The following TMEM131 variants were observed in gnomAD, a reference collection of about 807,000 sequenced individuals.
TMEM131 encodes transmembrane protein 131.
In TMEM131, 66 loss-of-function variants were observed where a neutral mutation model predicts 211.6. The observed-to-expected ratio is 0.31, with a 90% CI of 0.26 to 0.38. The LOEUF (loss-of-function observed/expected upper bound fraction) is 0.38, where lower values mean the gene tolerates loss of function less well. TMEM131 is among the 10% of genes least tolerant of loss of function. The probability of loss-of-function intolerance (pLI) is 1.00; values close to 1 mark genes in which losing one functional copy is unlikely to be tolerated. For synonymous variants in TMEM131, 844 were observed against 841.3 expected (o/e 1.00, Z -0.06); for missense variants, 2,036 against 2,299.3 (o/e 0.89, Z 2.34).
At position 97,793,477 on chromosome 2, in the gene TMEM131, A is replaced by G; in HGVS notation, c.3463T>C (p.Ser1155Pro). The change falls in exon 30 of 41, where the codon TCC (serine) becomes CCC (proline). Residue 1155 changes from serine (S) to proline (P), a missense_variant. Transcript: ENST00000186436. The part of the protein sequence containing the change: ...GIWEPFRRRL[S>P]FEASNPPFDV... ...AAGGGCGGGTTCGAGGCCTCAAAGGATAGCCGCCTTCGAAATGGCTCCCAT... is the reference window on the plus strand; with the variant it reads ...AAGGGCGGGTTCGAGGCCTCAAAGGGTAGCCGCCTTCGAAATGGCTCCCAT... 1.2e-6 allele frequency: 2 copies of G among 1,613,998 alleles called. No homozygotes were observed. Among genetic ancestry groups the G allele is most frequent in the Non-Finnish European group, 8.5e-7 (1 of 1,179,890 alleles).
intron 28 of TMEM131, among the ~76,000 whole-genome samples, 192 bp from the exon 29 acceptor site, chr2:97,795,307 ATAAT>A (rs1465516344): frequency 6.6e-6 from 1 of 152,246 alleles, no homozygotes; most frequent in Non-Finnish European, 1.5e-5. Flanking sequence ...TATTCTGTGA[ATAAT>A]TAGAGAAATT....
At chr2:97,971,098 T>A (rs748677627) in intron 1 of TMEM131, among the ~76,000 whole-genome samples, 1 of 152,218 alleles carries the variant, frequency 6.6e-6, no homozygotes, top group African/African-American at 2.4e-5. Context: ...AAATACAATA[T>A]GAAGACAGTT....
intron 1 of TMEM131, among the ~76,000 whole-genome samples, chr2:97,978,548 C>A (rs1362879455): frequency 6.6e-6 from 1 of 152,166 alleles, no homozygotes; most frequent in Non-Finnish European, 1.5e-5. Context: ...CCACACCTAG[C>A]TAATTTTTGT....
intron 1 of TMEM131, among the ~76,000 whole-genome samples, chr2:97,988,809 C>T (rs1464161885): frequency 2.0e-5 from 3 of 152,180 alleles, no homozygotes; most frequent in Admixed American, 1.3e-4. Context: ...GTGCATTATT[C>T]ACGGGATTCT....
At chr2:97,910,927 T>C (rs1346497891) in intron 2 of TMEM131, among the ~76,000 whole-genome samples, 1 of 152,146 alleles carries the variant, frequency 6.6e-6, no homozygotes, top group Non-Finnish European at 1.5e-5. Flanking sequence ...CTCCTAGATA[T>C]ATGCCCAAGA....
rs997180939 is a variant in TMEM131, at chr2:97,910,329, A to C, written c.250-1631T>G. Among the ~76,000 whole-genome samples, 16 of 152,294 alleles carry C rather than the reference A, an allele frequency of 1.1e-4. No individual in the cohort carries two copies. In the East Asian group the frequency reaches 3.1e-3, roughly 29 times the overall value. On this transcript the variant is annotated intron_variant, in intron 2 of 40. Transcript: ENST00000186436. ...TATGGAAAACAGTATTGTGGTTCCCAAAAAAATTAAACATAGAATTACCAT... is the reference window on the plus strand; with the variant it reads ...TATGGAAAACAGTATTGTGGTTCCCCAAAAAATTAAACATAGAATTACCAT...
At position 97,813,972 on chromosome 2, in the gene TMEM131, T is replaced by C; in HGVS notation, c.1616A>G (p.Asp539Gly). The change falls in exon 15 of 41, where the codon GAT becomes GGT. Residue 539 changes from aspartate to glycine, a missense_variant and splice_region_variant. Physicochemically the swap from Asp to Gly is moderately conservative, Grantham distance 94. This residue lies in a region of TMEM131 where 1,623 missense variants were observed against 1,805.9 expected (regional missense o/e 0.90). Transcript: ENST00000186436. Reference protein sequence around the residue: ...LPVRVYTGFLDYFVLPPKIEE... With the variant: ...LPVRVYTGFLGYFVLPPKIEE... Reference sequence around the variant, plus strand: ...GTTAAAGATGGATAATATACTTACATCTAAAAAGCCTGTGTATACCCGCAC... The same window carrying C: ...GTTAAAGATGGATAATATACTTACACCTAAAAAGCCTGTGTATACCCGCAC... The C allele has an allele frequency of 1.3e-6, 2 of 1,581,134 alleles. No homozygotes were observed. Among genetic ancestry groups the C allele is most frequent in the Non-Finnish European group, 1.7e-6 (2 of 1,163,450 alleles).
At chr2:97,772,530 T>A (rs1679515847) in intron 32 of TMEM131, 106 bp from the exon 33 acceptor site, 4 of 1,253,624 alleles carry the variant, frequency 3.2e-6, no homozygotes, top group South Asian at 1.4e-5. Flanking sequence ...AATATACACA[T>A]CATATACGTA....
intron 5 of TMEM131, among the ~76,000 whole-genome samples, chr2:97,858,400 T>A (rs2105172456): frequency 6.6e-6 from 1 of 152,358 alleles, no homozygotes; most frequent in South Asian, 2.1e-4. Flanking sequence ...AAGTTTTTAA[T>A]AATGAGTTTA....
intron 7 of TMEM131, 124 bp from the exon 8 acceptor site, chr2:97,837,281 C>CGTAG (rs981781525): frequency 1.5e-6 from 1 of 646,802 alleles, no homozygotes; most frequent in African/African-American, 1.9e-5. Flanking sequence ...AAGATATAAA[C>CGTAG]GTAGGATATG....
chr2:97,793,342 T>C, intron 30 of TMEM131, 53 bp downstream of exon 30: 1 of 1,519,130 alleles, frequency 6.6e-7, no homozygotes, highest in South Asian at 1.3e-5. Context: ...ATTGTAATTT[T>C]ATCAGCCAAA....
chr2:97,961,864 G>A (rs1305668751), intron 1 of TMEM131, among the ~76,000 whole-genome samples: 1 of 152,104 alleles, frequency 6.6e-6, no homozygotes, highest in Admixed American at 6.5e-5. Flanking sequence ...GAAATTGTAG[G>A]TCAATATTTT....
Position 97,878,667 on chromosome 2 carries a change from G to A in TMEM131, c.359+9385C>T, listed in dbSNP as rs117593131. Among the ~76,000 whole-genome samples, 488 of 152,208 alleles carry A rather than the reference G, an allele frequency of 3.2e-3. 7 individuals carry two copies. The East Asian group carries it at 0.04, about 12-fold the overall frequency. On this transcript the variant is annotated intron_variant, in intron 4 of 40. Coordinates refer to ENST00000186436, the MANE Select transcript of TMEM131 (RefSeq NM_015348.2). ...AACAATGAGAACACATGGACATAGA[G>A]GGGGGAACATCATACACCAGGGCCT... is the stretch of plus-strand genomic sequence containing the variant.
At chr2:97,836,746 AT>A (rs1559390985) in intron 8 of TMEM131, among the ~76,000 whole-genome samples, 1 of 152,208 alleles carries the variant, frequency 6.6e-6, no homozygotes, top group Admixed American at 6.5e-5. Flanking sequence ...AATCATTTAC[AT>A]TTTTTTATGT....
rs1559364200 is a variant in TMEM131 at position 97,795,185 on chromosome 2, G to C, written c.3201-70C>G. On this transcript the variant is annotated intron_variant, in intron 28 of 40. Transcript: ENST00000186436. ...CACAAGCAGTCTGCATATAATACTG[G>C]TCCTATAAGCCTTTGAAATATAACA... 1.7e-5 allele frequency: 19 copies of C among 1,108,806 alleles called. No homozygotes were observed. In the East Asian group the frequency reaches 2.2e-4, roughly 13 times the overall value. 68.7% of individuals were successfully genotyped at this position (1,108,806 alleles called of 1,614,324 possible).
chr2:97,990,392 C>T (rs1257742293), intron 1 of TMEM131, among the ~76,000 whole-genome samples: 1 of 151,394 alleles, frequency 6.6e-6, no homozygotes, highest in Non-Finnish European at 1.5e-5. Flanking sequence ...GTTCTTTTTG[C>T]AGTTGGTACA....
At chr2:97,809,916 CAT>C (rs1378648720) in intron 18 of TMEM131, 142 bp from the exon 19 acceptor site, 2 of 620,884 alleles carry the variant, frequency 3.2e-6, no homozygotes, top group Middle Eastern at 4.1e-4. Context: ...TAAAATCACC[CAT>C]AGATACTGTT....
At chr2:97,806,080 C>A (rs1681282197) in intron 19 of TMEM131, among the ~76,000 whole-genome samples, 1 of 152,182 alleles carries the variant, frequency 6.6e-6, no homozygotes, top group Non-Finnish European at 1.5e-5. Flanking sequence ...TACACCCAGG[C>A]AAGAATGCCC....
intron 3 of TMEM131, among the ~76,000 whole-genome samples, chr2:97,906,309 C>G (rs1676066686): frequency 6.6e-6 from 1 of 152,128 alleles, no homozygotes; most frequent in East Asian, 1.9e-4. Context: ...AGTCCCATAC[C>G]CAATCTGCAT....
Sources: gnomAD v4.1 joint callset for allele counts (sites outside exome capture counted in the v4.1 genomes callset) on GRCh38, gnomAD v4.1.1 for gene constraint, gnomAD v4.1.1 regional missense constraint, MANE v1.5 for transcripts, NCBI Gene and HGNC (gene_info 2026-07-23, HGNC 2026-07-21) for gene names.